Variants in KCNS3 observed in about 807,000 individuals in gnomAD.
KCNS3 encodes the protein delayed-rectifier potassium channel regulatory subunit KCNS3.
Under a neutral mutation model 31.0 loss-of-function variants are expected in KCNS3, and 13 were observed. That is an observed-to-expected ratio of 0.42 (90% CI 0.27 to 0.67). KCNS3 has a LOEUF of 0.67. KCNS3 is among the 30% of genes least tolerant of loss of function. KCNS3 has a pLI of 0.25. For missense variants in KCNS3, 545 were observed against 622.4 expected, an observed-to-expected ratio of 0.88 and a Z score of 1.32; for synonymous variants, 238 against 241.5, an observed-to-expected ratio of 0.99 and a Z score of 0.13.
chr2:17,893,555 C>G (rs1279981474), intron 1 of KCNS3, among the ~76,000 whole-genome samples: 1 of 152,192 alleles, frequency 6.6e-6, no homozygotes, highest in Admixed American at 6.5e-5. Context: ...TGGTGCCAGG[C>G]AGGAATGGAC....
chr2:17,899,423 CATCT>C (rs71950354), intron 1 of KCNS3, among the ~76,000 whole-genome samples: 48,871 of 151,570 alleles, frequency 0.32, 8,473 homozygotes, highest in East Asian at 0.56. Flanking sequence ...TGCTGTCAGT[CATCT>C]ATCTATCTAT....
intron 1 of KCNS3, among the ~76,000 whole-genome samples, chr2:17,916,757 G>A (rs1202477944): frequency 6.6e-6 from 1 of 151,524 alleles, no homozygotes; most frequent in East Asian, 1.9e-4. Context: ...TAATCCCAGT[G>A]CCTAAGATAA....
At chr2:17,907,654 G>C (rs1466499641) in intron 1 of KCNS3, among the ~76,000 whole-genome samples, 5 of 152,096 alleles carry the variant, frequency 3.3e-5, no homozygotes, top group Admixed American at 6.5e-5. Flanking sequence ...AGGCAGGCCT[G>C]GTGGTGACAA....
At chr2:17,924,198 C>T (rs562721865) in intron 2 of KCNS3, among the ~76,000 whole-genome samples, 28 of 151,658 alleles carry the variant, frequency 1.8e-4, no homozygotes, top group Non-Finnish European at 3.2e-4. Flanking sequence ...TTTTGTATAT[C>T]AATCTAGTAT....
chr2:17,912,112 A>G (rs927957310), intron 1 of KCNS3, among the ~76,000 whole-genome samples: 1 of 152,198 alleles, frequency 6.6e-6, no homozygotes, highest in Non-Finnish European at 1.5e-5. Context: ...TTTCACTCTT[A>G]CAAATAATGA....
chr2:17,882,490 G>A (rs1429018516), intron 1 of KCNS3, among the ~76,000 whole-genome samples: 1 of 152,158 alleles, frequency 6.6e-6, no homozygotes, highest in Non-Finnish European at 1.5e-5. Flanking sequence ...CTTCTCTCTG[G>A]AGCTAGAGAG....
intron 1 of KCNS3, among the ~76,000 whole-genome samples, chr2:17,909,103 C>T (rs1353278376): frequency 1.3e-5 from 2 of 152,230 alleles, no homozygotes; most frequent in African/African-American, 4.8e-5. Flanking sequence ...CAGTGGGCTC[C>T]ACCCAGTTCG....
At chr2:17,926,757 G>A (rs1190421047) in intron 2 of KCNS3, among the ~76,000 whole-genome samples, 2 of 152,202 alleles carry the variant, frequency 1.3e-5, no homozygotes, top group Non-Finnish European at 2.9e-5. Context: ...TTTTCCTCCA[G>A]GCTTCTAGGC....
rs745753851 is a variant in KCNS3 at position 17,932,435 on chromosome 2, A to G, written c.1427A>G (p.Asn476Ser). 6.2e-6 allele frequency: 10 copies of G among 1,613,874 alleles called. No homozygotes were observed. The highest frequency in any genetic ancestry group is 4.4e-5 in the South Asian group (4 of 91,018). Residue 476 changes from asparagine (N) to serine (S), a missense_variant, in exon 3 of 3, where the codon AAT becomes AGT. By Grantham distance (46) the Asn-to-Ser change is conservative. Transcript: ENST00000304101. ...DSTDASSIED[N>S]EDICNTTSLE... is the part of the protein sequence containing the mutation. The stretch of plus-strand genomic sequence containing the variant: ...ACAGATGCTTCAAGCATTGAAGACA[A>G]TGAGGACATTTGTAACACCACCTCC...
chr2:17,908,822 C>T (rs571497108), intron 1 of KCNS3, among the ~76,000 whole-genome samples: 1 of 152,320 alleles, frequency 6.6e-6, no homozygotes, highest in East Asian at 1.9e-4. Flanking sequence ...CCTCTGGAAG[C>T]TTTGTCTCAG....
At chr2:17,882,803 GTTTTTC>G (rs1426744987) in intron 1 of KCNS3, among the ~76,000 whole-genome samples, 3 of 152,078 alleles carry the variant, frequency 2.0e-5, no homozygotes, top group East Asian at 3.9e-4. Context: ...TTTCATCCCT[GTTTTTC>G]TTTATCATTT....
At chr2:17,921,697 A>ATG (rs1296652420) in intron 2 of KCNS3, among the ~76,000 whole-genome samples, 2 of 151,626 alleles carry the variant, frequency 1.3e-5, no homozygotes, top group Non-Finnish European at 2.9e-5. Flanking sequence ...GAAGTGGGAG[A>ATG]TGCTACACAT....
chr2:17,891,236 C>A (rs145072871), intron 1 of KCNS3, among the ~76,000 whole-genome samples: 8,164 of 152,232 alleles, frequency 0.054, 532 homozygotes, highest in African/African-American at 0.16. Flanking sequence ...CACCTGCTCA[C>A]TTTTGGTGTC....
chr2:17,921,072 C>T (rs190492696), intron 2 of KCNS3, among the ~76,000 whole-genome samples: 54 of 152,260 alleles, frequency 3.5e-4, no homozygotes, highest in Admixed American at 1.6e-3. Context: ...TACATGTACT[C>T]ATTGCCTGCT....
intron 1 of KCNS3, among the ~76,000 whole-genome samples, chr2:17,900,920 CAG>C (rs1200036912): frequency 5.3e-5 from 8 of 152,118 alleles, no homozygotes; most frequent in African/African-American, 1.9e-4. Flanking sequence ...ATCCCAAGCA[CAG>C]AGTGTTTTAT....
intron 1 of KCNS3, among the ~76,000 whole-genome samples, chr2:17,888,629 G>GTGTATATATATA (rs1300748453): frequency 1.1e-5 from 1 of 92,408 alleles, no homozygotes; most frequent in Non-Finnish European, 2.0e-5. Flanking sequence ...TAAAAAAAAT[G>GTGTATATATATA]TATATATATA....
At chr2:17,927,371 C>T (rs1256284500) in intron 2 of KCNS3, among the ~76,000 whole-genome samples, 1 of 152,174 alleles carries the variant, frequency 6.6e-6, no homozygotes, top group Non-Finnish European at 1.5e-5. Flanking sequence ...GCCTGTTACC[C>T]AGTTCCAAAG....
chr2:17,910,824 T>C (rs1033811847), intron 1 of KCNS3, among the ~76,000 whole-genome samples: 1 of 152,200 alleles, frequency 6.6e-6, no homozygotes, highest in Non-Finnish European at 1.5e-5. Flanking sequence ...TTGGTATTCC[T>C]AATTCACAAA....
intron 1 of KCNS3, among the ~76,000 whole-genome samples, chr2:17,900,694 TG>T (rs2125239570): frequency 6.6e-6 from 1 of 152,180 alleles, no homozygotes; most frequent in East Asian, 1.9e-4. Context: ...TTCACCATGT[TG>T]GCCAGGCTGG....
Sources: gnomAD v4.1 joint callset for allele counts (sites outside exome capture counted in the v4.1 genomes callset) on GRCh38, gnomAD v4.1.1 for gene constraint, MANE v1.5 for transcripts, NCBI Gene and HGNC (gene_info 2026-07-23, HGNC 2026-07-21) for gene names.